RORA: variants seen among roughly 807,000 people sequenced by gnomAD.
RORA encodes nuclear receptor ROR-alpha.
Under a neutral mutation model 69.5 loss-of-function variants are expected in RORA, and 7 were observed. That is an observed-to-expected ratio of 0.10 (90% CI 0.06 to 0.19). RORA has a LOEUF of 0.19. RORA is among the 10% of genes least tolerant of loss of function. The pLI is 1.00. For synonymous variants in RORA, 261 were observed against 240.8 expected, an observed-to-expected ratio of 1.08 and a Z score of -0.78; for missense variants, 457 against 663.0, an observed-to-expected ratio of 0.69 and a Z score of 3.41.
chr15:60,738,493 G>A (rs909541147), intron 1 of RORA, among the ~76,000 whole-genome samples: 1 of 151,972 alleles, frequency 6.6e-6, no homozygotes, highest in Admixed American at 6.5e-5. Flanking sequence ...TGGGCCCTGG[G>A]TGCTTTTGGC....
intron 1 of RORA, among the ~76,000 whole-genome samples, chr15:61,071,674 A>AGGG (rs2078366587): frequency 6.3e-5 from 1 of 15,988 alleles, no homozygotes; most frequent in African/African-American, 3.1e-4. Flanking sequence ...TGGGGAGGGG[A>AGGG]GAGGGGGGAG....
chr15:60,683,370 A>G (rs546297347), intron 1 of RORA, among the ~76,000 whole-genome samples: 1 of 152,244 alleles, frequency 6.6e-6, no homozygotes, highest in South Asian at 2.1e-4. Flanking sequence ...CCCTGCTTCT[A>G]AGCTATCAAG....
In RORA at chr15:60,503,717, T is replaced by C. The variant is rs1184538849; in HGVS notation, c.943-50A>G. Reference sequence around the variant, plus strand: ...CATCCTCCAGGAAGATGTTAGCTTTTGTAGCAGAAGCTGCAGAGTTATGAA... The same window carrying C: ...CATCCTCCAGGAAGATGTTAGCTTTCGTAGCAGAAGCTGCAGAGTTATGAA... On this transcript the variant is annotated intron_variant, in intron 6 of 10. Coordinates refer to ENST00000335670, the MANE Select transcript of RORA (RefSeq NM_134261.3). The C allele has an allele frequency of 1.9e-6, 3 of 1,604,844 alleles. No individual in the cohort carries two copies. In the South Asian group the frequency reaches 3.3e-5, roughly 18 times the overall value.
intron 1 of RORA, among the ~76,000 whole-genome samples, chr15:61,063,060 C>T (rs1328507067): frequency 4.6e-5 from 7 of 152,328 alleles, no homozygotes; most frequent in Non-Finnish European, 4.4e-5. Context: ...GGCGTATTCA[C>T]CAGTGTGCTC....
At chr15:60,575,008 G>A (rs2067985668) in intron 2 of RORA, among the ~76,000 whole-genome samples, 1 of 152,008 alleles carries the variant, frequency 6.6e-6, no homozygotes, top group Non-Finnish European at 1.5e-5. Flanking sequence ...TCTGGAGATT[G>A]TACTACTCGA....
At position 60,887,626 on chromosome 15, in the gene RORA, G is replaced by A. The variant is rs554714600; in HGVS notation, c.167-208940C>T. Among the ~76,000 whole-genome samples the A allele has an allele frequency of 9.2e-5, 14 of 152,300 alleles. No homozygotes were observed. In the South Asian group the frequency reaches 1.5e-3, roughly 16 times the overall value. ...TCAATTTCTTTCTATGTGGTTATAC[G>A]TTTGTGGTTATCTGGCATTTGGACG... On this transcript the variant is annotated intron_variant, in intron 1 of 10. Transcript: ENST00000335670.
At chr15:60,848,675 T>A (rs1020903438) in intron 1 of RORA, 7 of 153,972 alleles carry the variant, frequency 4.5e-5, no homozygotes, top group African/African-American at 1.7e-4. Flanking sequence ...CTCAGGAAAC[T>A]TACGATCATG....
intron 1 of RORA, among the ~76,000 whole-genome samples, chr15:60,858,914 G>A (rs898077430): frequency 1.3e-5 from 2 of 151,858 alleles, no homozygotes; most frequent in Admixed American, 6.6e-5. Context: ...AAGAAGGCCC[G>A]GTGCCCTTGG....
intron 1 of RORA, among the ~76,000 whole-genome samples, chr15:61,190,433 A>G (rs1481657355): frequency 6.6e-6 from 1 of 152,230 alleles, no homozygotes; most frequent in Non-Finnish European, 1.5e-5. Flanking sequence ...GCTTTCCTAA[A>G]AAATAAAATC....
intron 1 of RORA, among the ~76,000 whole-genome samples, chr15:60,698,598 T>A (rs2070938285): frequency 6.6e-6 from 1 of 151,434 alleles, no homozygotes; most frequent in Non-Finnish European, 1.5e-5. Context: ...ACTATAAATA[T>A]CCTTGTTACA....
rs80271160 is a variant in RORA at position 61,208,915 on chromosome 15, G to A, written c.166+20138C>T. Among the ~76,000 whole-genome samples the A allele has an allele frequency of 2.8e-3, 421 of 152,288 alleles. 1 individual carries two copies. Among genetic ancestry groups the A allele is most frequent in the Non-Finnish European group, 5.1e-3 (348 of 68,028 alleles). On this transcript the variant is annotated intron_variant, in intron 1 of 10. Transcript: ENST00000335670. ...ATTCAATGACCAGAATGTTTTTGTG[G>A]TATATATCATACTGGATAACCCATG...
chr15:60,756,169 G>A (rs2071799094), intron 1 of RORA, among the ~76,000 whole-genome samples: 1 of 152,170 alleles, frequency 6.6e-6, no homozygotes, highest in South Asian at 2.1e-4. Context: ...TAAATAACTG[G>A]ATGAATGTAG....
chr15:60,610,722 C>CAG (rs148423081), intron 2 of RORA, among the ~76,000 whole-genome samples: 4 of 149,434 alleles, frequency 2.7e-5, no homozygotes, highest in African/African-American at 2.4e-5. Flanking sequence ...ACACTGAGAT[C>CAG]AGAGAGAGAG....
intron 10 of RORA, among the ~76,000 whole-genome samples, chr15:60,497,928 G>A (rs955558058): frequency 3.3e-5 from 5 of 151,826 alleles, no homozygotes; most frequent in Non-Finnish European, 5.9e-5. Flanking sequence ...GCATGGCAGC[G>A]TGCGCCTGTA....
At chr15:60,741,811 C>T (rs1168102429) in intron 1 of RORA, among the ~76,000 whole-genome samples, 1 of 152,108 alleles carries the variant, frequency 6.6e-6, no homozygotes, top group Admixed American at 6.5e-5. Flanking sequence ...AAGTGGGAGG[C>T]CTCAACAACC....
intron 1 of RORA, among the ~76,000 whole-genome samples, chr15:61,143,014 G>T (rs2079314958): frequency 6.6e-6 from 1 of 152,030 alleles, no homozygotes; most frequent in Non-Finnish European, 1.5e-5. Flanking sequence ...GCAATGAGGA[G>T]AAAGTCATGA....
At chr15:61,193,103 C>A (rs2079816156) in intron 1 of RORA, among the ~76,000 whole-genome samples, 1 of 152,108 alleles carries the variant, frequency 6.6e-6, no homozygotes, top group African/African-American at 2.4e-5. Context: ...CAATAGGAAC[C>A]ATCTATTCCA....
intron 1 of RORA, among the ~76,000 whole-genome samples, chr15:60,969,759 T>G (rs529441364): frequency 2.0e-5 from 3 of 152,198 alleles, no homozygotes; most frequent in South Asian, 2.1e-4. Flanking sequence ...GGGAGGGGGT[T>G]TGAGTTCCTG....
intron 1 of RORA, among the ~76,000 whole-genome samples, chr15:60,948,425 C>T (rs1205781434): frequency 1.3e-5 from 2 of 152,134 alleles, no homozygotes; most frequent in African/African-American, 4.8e-5. Context: ...TTCTGGAAGG[C>T]AAAATACTCT....
Sources: allele counts gnomAD v4.1 joint callset (sites outside exome capture counted in the v4.1 genomes callset), GRCh38; gene constraint gnomAD v4.1.1; transcripts MANE v1.5; gene names NCBI Gene and HGNC (gene_info 2026-07-23, HGNC 2026-07-21).